CNTLN: variants seen among roughly 807,000 people sequenced by gnomAD.
CNTLN encodes the protein centlein, centrosomal protein.
A neutral mutation model predicts 180.0 loss-of-function variants in CNTLN; 212 were observed. The observed-to-expected ratio is 1.18, with a 90% CI of 1.05 to 1.32. CNTLN has a LOEUF of 1.32. CNTLN is among the 40% of genes most tolerant of loss of function. The probability of loss-of-function intolerance (pLI) is 0.00; values close to 1 mark genes in which losing one functional copy is unlikely to be tolerated. For missense variants in CNTLN, 2,095 were observed against 1,610.9 expected, an observed-to-expected ratio of 1.30 and a Z score of -5.14; for synonymous variants, 722 against 563.1, an observed-to-expected ratio of 1.28 and a Z score of -3.99.
chr9:17,305,389 T>G (rs556036156), intron 7 of CNTLN, among the ~76,000 whole-genome samples: 2 of 152,176 alleles, frequency 1.3e-5, no homozygotes, highest in African/African-American at 4.8e-5. Context: ...AAAGAAGTTA[T>G]AGAGAAAAGA....
Position 17,236,392 on chromosome 9 carries a change from G to A in CNTLN, c.670-17G>A. 6.5e-7 allele frequency: 1 copy of A among 1,549,752 alleles called. No individual in the cohort carries two copies. The highest frequency in any genetic ancestry group is 1.2e-5 in the South Asian group (1 of 80,156). ...CGTTTTGTTTTATTTATTTGCCCTT[G>A]TGGTACTGTTCTACAGGACACTAAG... is the stretch of plus-strand genomic sequence containing the variant. On this transcript the variant is annotated splice_polypyrimidine_tract_variant and intron_variant, in intron 4 of 25. Coordinates refer to ENST00000380647, the MANE Select transcript of CNTLN (RefSeq NM_017738.4).
At chr9:17,363,428 G>C (rs1823560759) in intron 12 of CNTLN, among the ~76,000 whole-genome samples, 1 of 151,950 alleles carries the variant, frequency 6.6e-6, no homozygotes, top group Non-Finnish European at 1.5e-5. Context: ...ACTGGCGTGA[G>C]ATGGTATCTC....
chr9:17,255,265 G>C (rs1826402574), intron 5 of CNTLN, among the ~76,000 whole-genome samples: 1 of 151,680 alleles, frequency 6.6e-6, no homozygotes, highest in South Asian at 2.1e-4. Context: ...TCTTGTTCCT[G>C]ATCTTAGAGA....
chr9:17,415,705 A>T, intron 16 of CNTLN, 83 bp from the exon 17 acceptor site: 1 of 904,168 alleles, frequency 1.1e-6, no homozygotes, highest in Non-Finnish European at 1.8e-6. Context: ...TGTATTTTTT[A>T]AGTAAAGAGA....
chr9:17,282,449 C>A (rs932052882), intron 6 of CNTLN, among the ~76,000 whole-genome samples: 2 of 151,926 alleles, frequency 1.3e-5, no homozygotes, highest in African/African-American at 4.8e-5. Context: ...TTGTTTTTTT[C>A]TTGTAAATTT....
At chr9:17,439,698 A>C (rs1334097234) in intron 18 of CNTLN, among the ~76,000 whole-genome samples, 1 of 152,250 alleles carries the variant, frequency 6.6e-6, no homozygotes. Context: ...CCCATAATTC[A>C]TAACCCCCAA....
In CNTLN at chr9:17,235,661, G is replaced by A. The variant is rs763307145; in HGVS notation, c.538G>A (p.Glu180Lys). 6.3e-7 allele frequency: 1 copy of A among 1,577,902 alleles called. No homozygotes were observed. The highest frequency in any genetic ancestry group is 8.6e-7 in the Non-Finnish European group (1 of 1,167,246). The change falls in exon 4 of 26, where the codon GAG becomes AAG. Residue 180 changes from glutamate (E) to lysine (K), a missense_variant. Glu to Lys is a moderately conservative substitution (Grantham distance 56). Transcript: ENST00000380647. Reference sequence around the variant, plus strand: ...TAATTTAAATTTTTTTCCACAGAGAGAGTCAGTACTGAAACAGGAAATAAA... The same window carrying A: ...TAATTTAAATTTTTTTCCACAGAGAAAGTCAGTACTGAAACAGGAAATAAA... The part of the protein sequence containing the change: ...DAKIQEFEQR[E>K]SVLKQEINDL...
At chr9:17,234,612 G>A (rs1350996603) in intron 3 of CNTLN, among the ~76,000 whole-genome samples, 2 of 151,776 alleles carry the variant, frequency 1.3e-5, no homozygotes, top group African/African-American at 2.4e-5. Flanking sequence ...AAAATAAATC[G>A]ATATTTAGGG....
chr9:17,187,299 A>G (rs576338918), intron 2 of CNTLN, among the ~76,000 whole-genome samples: 2 of 152,188 alleles, frequency 1.3e-5, no homozygotes, highest in South Asian at 4.1e-4. Context: ...AAGTTATTAC[A>G]TACTCTATAA....
intron 2 of CNTLN, among the ~76,000 whole-genome samples, chr9:17,148,016 G>A (rs1485754384): frequency 1.3e-5 from 2 of 152,168 alleles, no homozygotes; most frequent in African/African-American, 2.4e-5. Context: ...TGGACTGTCT[G>A]TGTAGATGTG....
intron 5 of CNTLN, among the ~76,000 whole-genome samples, chr9:17,254,351 G>T (rs1826339869): frequency 6.6e-6 from 1 of 151,490 alleles, no homozygotes; most frequent in East Asian, 1.9e-4. Context: ...TATGCTTTTG[G>T]TGTCATTTGC....
At chr9:17,343,163 A>G (rs1821619521) in intron 12 of CNTLN, among the ~76,000 whole-genome samples, 1 of 152,266 alleles carries the variant, frequency 6.6e-6, no homozygotes, top group East Asian at 1.9e-4. Context: ...GCTTGATCTT[A>G]TAATTCACAG....
chr9:17,353,074 C>T (rs1396945912), intron 12 of CNTLN, among the ~76,000 whole-genome samples: 2 of 152,078 alleles, frequency 1.3e-5, no homozygotes, highest in African/African-American at 4.8e-5. Context: ...TGGGTATAAA[C>T]CTATGAGTGG....
In CNTLN at chr9:17,469,976, G is replaced by A. The variant is rs377332311; in HGVS notation, c.3855+3085G>A. ...ACAATAGCTAAAGATCAGAACAGTG[G>A]CTAATTGCTATCTCAATATCAACTA... On this transcript the variant is annotated intron_variant, in intron 23 of 25. Coordinates refer to ENST00000380647, the MANE Select transcript of CNTLN (RefSeq NM_017738.4). 3.7e-4 allele frequency among the ~76,000 whole-genome samples: 57 copies of A among 152,002 alleles called. No homozygotes were observed. The South Asian group carries it at 0.011, about 30-fold the overall frequency.
At position 17,400,002 on chromosome 9, in the gene CNTLN, T is replaced by A. The variant is rs1245399184; in HGVS notation, c.2615+4933T>A. Among the ~76,000 whole-genome samples the A allele has an allele frequency of 2.0e-5, 3 of 152,224 alleles. No homozygotes were observed. The South Asian group carries it at 6.2e-4, about 31-fold the overall frequency. On this transcript the variant is annotated intron_variant, in intron 15 of 25. Transcript: ENST00000380647. ...TCCTCATTTCCTTATGAAGGCTCCC[T>A]TATCATGTAAAACTTATATTAAATA...
intron 2 of CNTLN, among the ~76,000 whole-genome samples, chr9:17,163,422 G>A (rs1356242474): frequency 6.6e-6 from 1 of 152,190 alleles, no homozygotes; most frequent in Non-Finnish European, 1.5e-5. Context: ...CTGTGTTTTT[G>A]TGATTCATTA....
intron 8 of CNTLN, among the ~76,000 whole-genome samples, chr9:17,320,206 C>T (rs1357667379): frequency 2.6e-5 from 4 of 152,136 alleles, no homozygotes; most frequent in Non-Finnish European, 5.9e-5. Flanking sequence ...ACTCTCTCTT[C>T]CTTGCTTTCC....
intron 2 of CNTLN, among the ~76,000 whole-genome samples, chr9:17,189,711 T>C (rs543950622): frequency 1.2e-3 from 182 of 151,982 alleles, no homozygotes; most frequent in African/African-American, 3.6e-3. Flanking sequence ...GGTCTCGAAC[T>C]CCTAACCGCA....
In CNTLN at chr9:17,210,101, A is replaced by C. The variant is rs147018454; in HGVS notation, c.450-16102A>C. Among the ~76,000 whole-genome samples the C allele has an allele frequency of 7.2e-3, 1,102 of 152,282 alleles. 10 individuals are homozygous for C. Among genetic ancestry groups the C allele is most frequent in the Admixed American group, 0.011 (164 of 15,290 alleles). Reference sequence around the variant, plus strand: ...TATTACACTTTAAGTTCTGGGGTACATGTGCACAACGTGCAGGTTTGTTAC... The same window carrying C: ...TATTACACTTTAAGTTCTGGGGTACCTGTGCACAACGTGCAGGTTTGTTAC... On this transcript the variant is annotated intron_variant, in intron 2 of 25. Transcript: ENST00000380647.
Sources: gnomAD v4.1 joint callset for allele counts (sites outside exome capture counted in the v4.1 genomes callset) on GRCh38, gnomAD v4.1.1 for gene constraint, MANE v1.5 for transcripts, NCBI Gene and HGNC (gene_info 2026-07-23, HGNC 2026-07-21) for gene names.